Variants in ZNF226 observed in about 807,000 individuals in gnomAD.
ZNF226 encodes the protein zinc finger protein 226, also known as Kruppel-associated box protein.
A neutral mutation model predicts 11.4 loss-of-function variants in ZNF226; 6 were observed. The observed-to-expected ratio is 0.53, with a 90% CI of 0.29 to 1.04. ZNF226 has a LOEUF of 1.04. Ranked by LOEUF, ZNF226 falls within the 50% of genes least tolerant of loss-of-function variation. The pLI is 0.08. For missense variants in ZNF226, 1,058 were observed against 956.5 expected (o/e 1.11, Z -1.40); for synonymous variants, 350 against 322.8 (o/e 1.08, Z -0.90).
intron 5 of ZNF226, chr19:44,174,848 G>T: frequency 1.3e-6 from 1 of 793,764 alleles, no homozygotes; most frequent in Non-Finnish European, 2.0e-6. Context: ...AGGTCTTCAT[G>T]CTTTCCTTTC....
chr19:44,197,521 G>A, the ZNF226 span, among the ~76,000 whole-genome samples: 5 of 152,176 alleles, frequency 3.3e-5, no homozygotes, highest in Admixed American at 3.3e-4. Flanking sequence ...GATATAACAT[G>A]TCAGTTATAC....
At position 44,173,140 on chromosome 19, in the gene ZNF226, G is replaced by C. The variant is rs1251685045; in HGVS notation, c.235+188G>C. The C allele has an allele frequency of 1.3e-4, 76 of 586,036 alleles. No homozygotes were observed. The East Asian group carries it at 2.1e-3, about 16-fold the overall frequency. The allele number at this position is 586,036 out of a possible 1,614,324, so 36.3% of individuals were successfully genotyped here. The stretch of plus-strand genomic sequence containing the variant: ...TTCTGTTCTTTAAGTGGCAAAGTGA[G>C]TTTTTGTTACCTTGTGTCAGACTAT... On this transcript the variant is annotated intron_variant, in intron 5 of 5. Coordinates refer to ENST00000337433, the MANE Select transcript of ZNF226 (RefSeq NM_001032373.2).
At chr19:44,191,349 A>T in the ZNF226 span, among the ~76,000 whole-genome samples, 1 of 152,172 alleles carries the variant, frequency 6.6e-6, no homozygotes, top group Non-Finnish European at 1.5e-5. Context: ...TTTTAAGGTA[A>T]CAACCAGAAT....
chr19:44,189,744 G>A, the ZNF226 span, among the ~76,000 whole-genome samples: 4 of 152,220 alleles, frequency 2.6e-5, no homozygotes, highest in South Asian at 8.3e-4. Flanking sequence ...AGGGGCAACA[G>A]TCTCATTATG....
Position 44,176,521 on chromosome 19 carries a change from A to G in ZNF226, c.1259A>G (p.Lys420Arg), listed in dbSNP as rs751617386. 17 of 1,614,012 alleles carry G rather than the reference A, an allele frequency of 1.1e-5. No homozygotes were observed. Among genetic ancestry groups the G allele is most frequent in the Middle Eastern group, 1.6e-4 (1 of 6,084 alleles). The change falls in exon 6 of 6, where the codon AAA (lysine) becomes AGA (arginine). Residue 420 changes from lysine to arginine, a missense_variant. By Grantham distance (26) the Lys-to-Arg change is conservative. Coordinates refer to ENST00000337433, the MANE Select transcript of ZNF226 (RefSeq NM_001032373.2). ...QRVHTGEKPY[K>R]CEECGKGFIC... is the part of the protein sequence containing the mutation. ...GTTCATACAGGAGAGAAACCATACA[A>G]ATGTGAGGAGTGTGGTAAGGGCTTC...
the ZNF226 span, among the ~76,000 whole-genome samples, chr19:44,192,349 G>A: frequency 2.0e-5 from 3 of 152,256 alleles, no homozygotes; most frequent in East Asian, 3.9e-4. Context: ...GAGGGAGAGA[G>A]TTACAGGAGC....
At chr19:44,168,382 T>A (rs769308700) in intron 2 of ZNF226, among the ~76,000 whole-genome samples, 6 of 152,218 alleles carry the variant, frequency 3.9e-5, no homozygotes, top group Non-Finnish European at 1.5e-5. Context: ...CTTACTGTTA[T>A]CTAACCCACA....
intron 2 of ZNF226, 104 bp downstream of exon 2, chr19:44,165,911 C>G (rs983153239): frequency 1.3e-5 from 2 of 152,312 alleles, no homozygotes; most frequent in Admixed American, 6.5e-5. Context: ...GCGTTAGTTG[C>G]TAAGTTCCAT....
chr19:44,195,259 C>T, the ZNF226 span, among the ~76,000 whole-genome samples: 5 of 152,062 alleles, frequency 3.3e-5, no homozygotes, highest in Non-Finnish European at 7.4e-5. Flanking sequence ...ACTTACCAAA[C>T]GAAGGACGTC....
At position 44,175,678 on chromosome 19, in the gene ZNF226, C is replaced by G; in HGVS notation, c.416C>G (p.Ser139Cys). The G allele has an allele frequency of 6.2e-7, 1 of 1,613,050 alleles. No individual in the cohort carries two copies. Among genetic ancestry groups the G allele is most frequent in the African/African-American group, 1.3e-5 (1 of 74,980 alleles). ...DFPYQVGTELSIQISEDENYI... is the reference protein window; with the variant it reads ...DFPYQVGTELCIQISEDENYI... ...CCTTACCAGGTAGGGACAGAACTGT[C>G]TATTCAAATTTCTGAAGATGAGAAC... Residue 139 changes from serine to cysteine, a missense_variant, in exon 6 of 6, where the codon TCT (serine) becomes TGT (cysteine). By Grantham distance (112) the Ser-to-Cys change is moderately radical. Transcript: ENST00000337433.
At position 44,177,318 on chromosome 19, in the gene ZNF226, C is replaced by T. The variant is rs778334883; in HGVS notation, c.2056C>T (p.Leu686Phe). Residue 686 changes from leucine (L) to phenylalanine (F), a missense_variant, in exon 6 of 6, where the codon CTT becomes TTT. Leu to Phe is a conservative substitution (Grantham distance 22, BLOSUM62 0). Coordinates refer to ENST00000337433, the MANE Select transcript of ZNF226 (RefSeq NM_001032373.2). ...CGKGFKWSLN[L>F]DMHQRVHTGE... Reference sequence around the variant, plus strand: ...GAAGGGCTTCAAGTGGAGCTTGAACCTTGACATGCATCAGAGGGTGCACAC... The same window carrying T: ...GAAGGGCTTCAAGTGGAGCTTGAACTTTGACATGCATCAGAGGGTGCACAC... The T allele has an allele frequency of 1.9e-6, 3 of 1,614,074 alleles. No homozygotes were observed. The highest frequency in any genetic ancestry group is 4.5e-5 in the East Asian group (2 of 44,874).
chr19:44,177,698 T>C, downstream of ZNF226: 2 of 1,542,468 alleles, frequency 1.3e-6, no homozygotes, highest in African/African-American at 1.4e-5. Flanking sequence ...CTCGTGTCAT[T>C]TGAATTCTTC....
Position 44,176,802 on chromosome 19 carries a change from A to C in ZNF226, c.1540A>C (p.Arg514=). 1 of 1,612,886 alleles carries C rather than the reference A, an allele frequency of 6.2e-7. No homozygotes were observed. The highest frequency in any genetic ancestry group is 1.1e-5 in the South Asian group (1 of 90,994). Residue 514 remains arginine (R), a synonymous_variant, in exon 6 of 6, where the codon AGG becomes CGG. Coordinates refer to ENST00000337433, the MANE Select transcript of ZNF226 (RefSeq NM_001032373.2). ...CAATGAGTGTGGGAAGAGCTTCAGGAGGAATTCCCATTATCAAGTTCATCT... is the reference window on the plus strand; with the variant it reads ...CAATGAGTGTGGGAAGAGCTTCAGGCGGAATTCCCATTATCAAGTTCATCT... ...KCNECGKSFR[R]NSHYQVHLVV... is the part of the protein sequence containing the mutation.
At position 44,176,625 on chromosome 19, in the gene ZNF226, G is replaced by T. The variant is rs1264942828; in HGVS notation, c.1363G>T (p.Gly455Cys). ...CTATAAATGTGAGGAATGTGGTAAA[G>T]GCTTTAGTCGGCCTTCAAGTCTTCA... The part of the protein sequence containing the change: ...KPYKCEECGK[G>C]FSRPSSLQAH... The change falls in exon 6 of 6, where the codon GGC becomes TGC. Residue 455 changes from glycine (G) to cysteine (C), a missense_variant. Physicochemically the swap from Gly to Cys is radical, Grantham distance 159 (BLOSUM62 -3). Transcript: ENST00000337433. 8.1e-6 allele frequency: 13 copies of T among 1,613,928 alleles called. No individual in the cohort carries two copies. Among genetic ancestry groups the T allele is most frequent in the African/African-American group, 1.3e-5 (1 of 74,890 alleles).
chr19:44,190,333 T>G, the ZNF226 span, among the ~76,000 whole-genome samples: 1 of 152,202 alleles, frequency 6.6e-6, no homozygotes, highest in South Asian at 2.1e-4. Context: ...TCTCAGATTT[T>G]ATTTTATTTT....
At chr19:44,196,141 T>C in the ZNF226 span, among the ~76,000 whole-genome samples, 1 of 152,136 alleles carries the variant, frequency 6.6e-6, no homozygotes, top group Non-Finnish European at 1.5e-5. Context: ...ACAAGGCAAA[T>C]TGACAATGAG....
intron 2 of ZNF226, among the ~76,000 whole-genome samples, chr19:44,169,051 G>A (rs570802892): frequency 9.7e-4 from 114 of 117,722 alleles, no homozygotes; most frequent in Non-Finnish European, 1.4e-3. Flanking sequence ...CTCAGTCGCC[G>A]AGGCTGGAGT....
At chr19:44,189,544 G>C in the ZNF226 span, among the ~76,000 whole-genome samples, 1 of 152,170 alleles carries the variant, frequency 6.6e-6, no homozygotes, top group African/African-American at 2.4e-5. Flanking sequence ...AGCATAGAGT[G>C]AGTGACAGTT....
intron 2 of ZNF226, chr19:44,167,811 T>G (rs1969581869): frequency 6.6e-6 from 1 of 152,178 alleles, no homozygotes; most frequent in African/African-American, 2.4e-5. Context: ...AACAATTGTT[T>G]GTTTTAGCTT....
Sources: allele counts gnomAD v4.1 joint callset (sites outside exome capture counted in the v4.1 genomes callset), GRCh38; gene constraint gnomAD v4.1.1; transcripts MANE v1.5; gene names NCBI Gene and HGNC (gene_info 2026-07-23, HGNC 2026-07-21).